Variants in CACNB2 observed in about 807,000 individuals in gnomAD.
CACNB2 encodes calcium voltage-gated channel auxiliary subunit beta 2, also known as voltage-dependent L-type calcium channel subunit beta-2.
A neutral mutation model predicts 73.3 loss-of-function variants in CACNB2; 42 were observed. The ratio of observed to expected loss-of-function variants is 0.57; its 90% CI spans 0.45 to 0.74. The LOEUF (loss-of-function observed/expected upper bound fraction) is 0.74. Ranked by LOEUF, CACNB2 falls within the 30% of genes least tolerant of loss-of-function variation. The probability of loss-of-function intolerance (pLI) is 0.00; values close to 1 mark genes in which losing one functional copy is unlikely to be tolerated. For missense variants in CACNB2, 940 were observed against 853.0 expected, an observed-to-expected ratio of 1.10 and a Z score of -1.27; for synonymous variants, 348 against 310.3, an observed-to-expected ratio of 1.12 and a Z score of -1.28.
At chr10:18,223,936 A>G (rs1367122203) in intron 2 of CACNB2, among the ~76,000 whole-genome samples, 1 of 151,990 alleles carries the variant, frequency 6.6e-6, no homozygotes, top group African/African-American at 2.4e-5. Context: ...AAAATAGATA[A>G]TAGGCAGCCT....
chr10:18,221,375 A>C (rs1004915769), intron 2 of CACNB2, among the ~76,000 whole-genome samples: 1 of 152,140 alleles, frequency 6.6e-6, no homozygotes, highest in Non-Finnish European at 1.5e-5. Flanking sequence ...TACATAGTTC[A>C]CAAGTCTCAG....
chr10:18,153,972 G>A (rs1304310829), intron 2 of CACNB2, among the ~76,000 whole-genome samples: 4 of 150,668 alleles, frequency 2.7e-5, no homozygotes, highest in Non-Finnish European at 5.9e-5. Flanking sequence ...GACTTGCATC[G>A]ACACATATTG....
intron 1 of CACNB2, among the ~76,000 whole-genome samples, chr10:18,143,560 T>C (rs1334167972): frequency 6.6e-6 from 1 of 152,256 alleles, no homozygotes; most frequent in East Asian, 1.9e-4. Context: ...GCAATTTGAC[T>C]TGAATTGCGT....
chr10:18,276,469 G>C (rs536696220), intron 2 of CACNB2, among the ~76,000 whole-genome samples: 1 of 152,336 alleles, frequency 6.6e-6, no homozygotes, highest in African/African-American at 2.4e-5. Flanking sequence ...GTATCACTTA[G>C]CAGTGGAGCA....
chr10:18,530,777 G>T (rs564129498), intron 10 of CACNB2, among the ~76,000 whole-genome samples: 1 of 152,104 alleles, frequency 6.6e-6, no homozygotes, highest in African/African-American at 2.4e-5. Context: ...TAACTATAAC[G>T]GAAGCTTTGC....
intron 2 of CACNB2, among the ~76,000 whole-genome samples, chr10:18,202,775 T>C (rs143580947): frequency 1.5e-3 from 221 of 152,352 alleles, no homozygotes; most frequent in Middle Eastern, 0.01. Flanking sequence ...CCATCTGGAA[T>C]GTAGTAACGT....
chr10:18,351,531 A>T (rs2041706840), intron 2 of CACNB2, among the ~76,000 whole-genome samples: 1 of 152,354 alleles, frequency 6.6e-6, no homozygotes, highest in East Asian at 1.9e-4. Flanking sequence ...AGCATTCTTA[A>T]GGATTTTGTT....
intron 2 of CACNB2, among the ~76,000 whole-genome samples, chr10:18,223,873 C>G (rs2035885766): frequency 6.6e-6 from 1 of 151,954 alleles, no homozygotes; most frequent in Non-Finnish European, 1.5e-5. Context: ...AAAACAGAAA[C>G]TGCTAGGCTC....
chr10:18,213,409 G>T (rs1316755946), intron 2 of CACNB2, among the ~76,000 whole-genome samples: 5 of 152,172 alleles, frequency 3.3e-5, no homozygotes, highest in African/African-American at 4.8e-5. Context: ...CACAGGGCTG[G>T]CTGGTAGCTT....
chr10:18,464,418 T>TAAAATAAAATAAAAAAAAAAAAAAA (rs1554824204), intron 3 of CACNB2, among the ~76,000 whole-genome samples: 3 of 85,298 alleles, frequency 3.5e-5, no homozygotes, highest in Non-Finnish European at 4.6e-5. Context: ...TCTCAAAAAT[T>TAAAATAAAATAAAAAAAAAAAAAAA]AAAAAAAAAA....
At chr10:18,177,731 A>G (rs1226944042) in intron 2 of CACNB2, among the ~76,000 whole-genome samples, 1 of 152,208 alleles carries the variant, frequency 6.6e-6, no homozygotes, top group African/African-American at 2.4e-5. Flanking sequence ...TGTGCAAAGA[A>G]GAGTACAGGA....
At chr10:18,169,429 A>T (rs2131141164) in intron 2 of CACNB2, among the ~76,000 whole-genome samples, 1 of 152,320 alleles carries the variant, frequency 6.6e-6, no homozygotes, top group South Asian at 2.1e-4. Context: ...AAAATAACCC[A>T]GAAAATAAAG....
At chr10:18,235,394 G>A (rs1041504311) in intron 2 of CACNB2, among the ~76,000 whole-genome samples, 1 of 149,548 alleles carries the variant, frequency 6.7e-6, no homozygotes, top group Middle Eastern at 3.6e-3. Flanking sequence ...GAAGGTTAAG[G>A]CTGCAGTGAG....
intron 11 of CACNB2, among the ~76,000 whole-genome samples, chr10:18,535,332 A>G (rs1423100339): frequency 6.6e-6 from 1 of 152,154 alleles, no homozygotes; most frequent in African/African-American, 2.4e-5. Flanking sequence ...ACAAATCTGT[A>G]GGAGGTTGGA....
chr10:18,152,709 CAAAAAAAAAAAAA>C (rs772732675), intron 2 of CACNB2, among the ~76,000 whole-genome samples: 4 of 49,352 alleles, frequency 8.1e-5, no homozygotes, highest in African/African-American at 7.7e-5. Flanking sequence ...TGAAACAGAC[CAAAAAAAAAAAAA>C]AAAAAAAAAA....
rs1199836786 is a variant in CACNB2 at position 18,527,603 on chromosome 10, G to A, written c.960G>A (p.Arg320=). Reference sequence around the variant, plus strand: ...CCTCCAACAGGATATCCATCACAAGGGTCACCGCTGACATCTCGCTTGCCA... The same window carrying A: ...CCTCCAACAGGATATCCATCACAAGAGTCACCGCTGACATCTCGCTTGCCA... ...HRFEGRISIT[R]VTADISLAKR... Residue 320 remains arginine, a synonymous_variant, in exon 10 of 14, where the codon AGG becomes AGA. Transcript: ENST00000324631. The A allele has an allele frequency of 6.2e-7, 1 of 1,613,272 alleles. No homozygotes were observed. The highest frequency in any genetic ancestry group is 8.5e-7 in the Non-Finnish European group (1 of 1,179,364).
chr10:18,164,171 TA>T (rs756362106), intron 2 of CACNB2, among the ~76,000 whole-genome samples: 43 of 152,236 alleles, frequency 2.8e-4, no homozygotes, highest in South Asian at 4.1e-4. Context: ...GGTTTTCTAC[TA>T]GATGTCAATT....
At chr10:18,445,160 T>C (rs986545413) in intron 3 of CACNB2, among the ~76,000 whole-genome samples, 1 of 152,198 alleles carries the variant, frequency 6.6e-6, no homozygotes, top group Admixed American at 6.5e-5. Flanking sequence ...CATTATTCTG[T>C]TATTTTTTCA....
intron 2 of CACNB2, among the ~76,000 whole-genome samples, chr10:18,300,803 C>T (rs901454411): frequency 2.0e-5 from 3 of 152,042 alleles, no homozygotes; most frequent in Admixed American, 6.6e-5. Context: ...GAACTGAGAT[C>T]GTGCCACTGC....
Sources: allele counts gnomAD v4.1 joint callset (sites outside exome capture counted in the v4.1 genomes callset), GRCh38; gene constraint gnomAD v4.1.1; transcripts MANE v1.5; gene names NCBI Gene and HGNC (gene_info 2026-07-23, HGNC 2026-07-21).